Variants in NDEL1 observed in about 807,000 individuals in gnomAD.
The protein encoded by NDEL1 is nuclear distribution protein nudE-like 1.
In NDEL1, 9 loss-of-function variants were observed where a neutral mutation model predicts 45.7. The observed-to-expected ratio is 0.20, with a 90% confidence interval of 0.12 to 0.34. The LOEUF is 0.34. Ranked by LOEUF, NDEL1 falls within the 10% of genes least tolerant of loss-of-function variation. The probability of loss-of-function intolerance (pLI) is 1.00; values close to 1 mark genes in which losing one functional copy is unlikely to be tolerated. For missense variants in NDEL1, 306 were observed against 406.2 expected (o/e 0.75, Z 2.12); for synonymous variants, 133 against 158.6 (o/e 0.84, Z 1.21).
Position 8,460,150 on chromosome 17 carries a change from T to C in NDEL1, c.934T>C (p.Phe312Leu). The change falls in exon 8 of 9, where the codon TTC becomes CTC. Residue 312 changes from phenylalanine (F) to leucine (L), a missense_variant. Physicochemically the swap from Phe to Leu is conservative, Grantham distance 22 (BLOSUM62 0). Coordinates refer to ENST00000334527, the MANE Select transcript of NDEL1 (RefSeq NM_030808.5). ...CTCTCGATCAGGGCATACATCTTTC[T>C]TCGACAAAGGGTAAGTCCTGAATGT... is the stretch of plus-strand genomic sequence containing the variant. ...KFSRSGHTSF[F>L]DKGAVNGFDP... 6.2e-7 allele frequency: 1 copy of C among 1,612,674 alleles called. No individual in the cohort carries two copies. The highest frequency in any genetic ancestry group is 8.5e-7 in the Non-Finnish European group (1 of 1,179,540).
At chr17:8,469,289 G>A (rs770734003), downstream of NDEL1, among the ~76,000 whole-genome samples, 1 of 152,120 alleles carries the variant, frequency 6.6e-6, no homozygotes, top group African/African-American at 2.4e-5. Flanking sequence ...GCATTTAGCC[G>A]ACCTCTTTAT....
intron 6 of NDEL1, among the ~76,000 whole-genome samples, chr17:8,453,810 TAAC>T (rs1910667101): frequency 6.6e-6 from 1 of 152,216 alleles, no homozygotes; most frequent in African/African-American, 2.4e-5. Context: ...AATGGGCTAA[TAAC>T]AAGAGGGATC....
intron 1 of NDEL1, among the ~76,000 whole-genome samples, chr17:8,423,329 T>A (rs1172524657): frequency 2.0e-5 from 3 of 152,104 alleles, no homozygotes; most frequent in East Asian, 3.9e-4. Context: ...TTAGAAGGTA[T>A]GAAATTGAAA....
chr17:8,446,353 G>A (rs892027808), intron 3 of NDEL1, among the ~76,000 whole-genome samples: 6 of 152,160 alleles, frequency 3.9e-5, no homozygotes, highest in Non-Finnish European at 7.3e-5. Flanking sequence ...CCACATGCTT[G>A]AGGGTATTTA....
At chr17:8,448,037 C>T (rs1910206027) in intron 4 of NDEL1, among the ~76,000 whole-genome samples, 1 of 152,154 alleles carries the variant, frequency 6.6e-6, no homozygotes, top group Non-Finnish European at 1.5e-5. Context: ...TACAAAGTGA[C>T]ACCCTATGCA....
intron 1 of NDEL1, among the ~76,000 whole-genome samples, chr17:8,442,964 A>G (rs1909856718): frequency 6.6e-6 from 1 of 151,718 alleles, no homozygotes; most frequent in African/African-American, 2.4e-5. Context: ...TATTTTTAGC[A>G]GAGATGGGGT....
At chr17:8,419,961 G>A (rs954348002) in intron 1 of NDEL1, among the ~76,000 whole-genome samples, 1 of 152,110 alleles carries the variant, frequency 6.6e-6, no homozygotes, top group African/African-American at 2.4e-5. Context: ...ATAGCTTAAC[G>A]GAGAGAAAAA....
downstream of NDEL1, among the ~76,000 whole-genome samples, chr17:8,468,890 G>A (rs1911761247): frequency 6.6e-6 from 1 of 152,160 alleles, no homozygotes. Context: ...TGTAGTCCCA[G>A]CTACTTGGGA....
chr17:8,465,045 A>G lies in NDEL1; in HGVS notation c.945-1885A>G, dbSNP rs1440005176. ...CTGCTGGGTTCCGGGCACTGTCTGC[A>G]GTACAGGTTTAGGGGCTTGCCTGCC... is the stretch of plus-strand genomic sequence containing the variant. On this transcript the variant is annotated intron_variant, in intron 8 of 8. Transcript: ENST00000334527. The surrounding 1 kb of genome is among the most constrained non-coding windows in gnomAD (Gnocchi z 4.9). 6.6e-6 allele frequency: 1 copy of G among 152,264 alleles called. No individual in the cohort carries two copies. Among genetic ancestry groups the G allele is most frequent in the Non-Finnish European group, 1.5e-5 (1 of 68,110 alleles). The allele number at this position is 152,264 out of a possible 1,614,324, so 9.4% of individuals were successfully genotyped here.
intron 7 of NDEL1, among the ~76,000 whole-genome samples, chr17:8,457,610 A>G (rs1480718628): frequency 1.3e-5 from 2 of 152,188 alleles, no homozygotes; most frequent in South Asian, 2.1e-4. Flanking sequence ...CCACTCTTGC[A>G]TGCCTTCACA....
downstream of NDEL1, among the ~76,000 whole-genome samples, chr17:8,469,797 G>A (rs1217331433): frequency 4.0e-5 from 6 of 151,110 alleles, no homozygotes; most frequent in South Asian, 2.1e-4. Flanking sequence ...TCCACCTCCC[G>A]GGTTCCAGCG....
rs192535762 is a variant in NDEL1 at position 8,416,644 on chromosome 17, T to C, written c.-13+3375T>C. 2.0e-5 allele frequency among the ~76,000 whole-genome samples: 3 copies of C among 152,302 alleles called. No homozygotes were observed. The East Asian group carries it at 5.8e-4, about 29-fold the overall frequency. On this transcript the variant is annotated intron_variant, in intron 1 of 4. Coordinates refer to the NDEL1 transcript ENST00000582812. ...TTCTGAAATTTCATCTGTGGGTGTT[T>C]TTTCATCGATTGTCCTGCGTACTCA...
chr17:8,448,044 T>G, intron 4 of NDEL1, among the ~76,000 whole-genome samples: 1 of 152,120 alleles, frequency 6.6e-6, no homozygotes, highest in South Asian at 2.1e-4. Flanking sequence ...TGACACCCTA[T>G]GCAAATGTCT....
intron 8 of NDEL1, 103 bp downstream of exon 8, chr17:8,460,263 C>A: frequency 4.0e-6 from 5 of 1,248,578 alleles, no homozygotes; most frequent in Non-Finnish European, 5.6e-6. Flanking sequence ...GCTTGACAAA[C>A]CTTCCCGAAG....
downstream of NDEL1, among the ~76,000 whole-genome samples, chr17:8,469,569 T>A (rs190606188): frequency 1.8e-3 from 277 of 152,308 alleles, 4 homozygotes; most frequent in African/African-American, 6.5e-3. Context: ...CTGGGCTAGG[T>A]CCCTGGAGGG....
chr17:8,426,017 T>A (rs968131830), intron 1 of NDEL1, among the ~76,000 whole-genome samples: 1 of 152,236 alleles, frequency 6.6e-6, no homozygotes, highest in African/African-American at 2.4e-5. Context: ...TTTGAATTCC[T>A]GGCCTCAAGT....
At chr17:8,434,694 C>T (rs1909146935), upstream of NDEL1, among the ~76,000 whole-genome samples, 1 of 152,172 alleles carries the variant, frequency 6.6e-6, no homozygotes, top group African/African-American at 2.4e-5. Flanking sequence ...CTCCAGCTTG[C>T]TTCCAAGTCC....
chr17:8,459,892 C>T, intron 7 of NDEL1, 117 bp from the exon 8 acceptor site: 1 of 1,019,136 alleles, frequency 9.8e-7, no homozygotes, highest in Non-Finnish European at 1.5e-6. Context: ...GAACTAACCA[C>T]CATTATCAAC....
chr17:8,458,399 C>T (rs1910985269), intron 7 of NDEL1, among the ~76,000 whole-genome samples: 1 of 152,138 alleles, frequency 6.6e-6, no homozygotes, highest in African/African-American at 2.4e-5. Flanking sequence ...CTAGACCACC[C>T]TTTCCCCCCT....
Sources: allele counts gnomAD v4.1 joint callset (sites outside exome capture counted in the v4.1 genomes callset), GRCh38; gene constraint gnomAD v4.1.1; non-coding constraint Gnocchi (gnomAD v3.1); transcripts MANE v1.5; gene names NCBI Gene and HGNC (gene_info 2026-07-23, HGNC 2026-07-21).